The following INPP4A variants were observed in gnomAD, a reference collection of about 807,000 sequenced individuals.
INPP4A encodes the protein inositol polyphosphate-4-phosphatase type I A.
Under a neutral mutation model 119.8 loss-of-function variants are expected in INPP4A, and 33 were observed. That is an observed-to-expected ratio of 0.28 (90% CI 0.21 to 0.37). The LOEUF is 0.37. Among genes scored for constraint, INPP4A ranks in the 10% least tolerant of loss-of-function variants. The pLI, the probability that INPP4A is intolerant of heterozygous loss-of-function variation, is 1.00. For synonymous variants in INPP4A, 496 were observed against 500.7 expected (o/e 0.99, Z 0.12); for missense variants, 956 against 1,289.9 (o/e 0.74, Z 3.97).
intron 1 of INPP4A, among the ~76,000 whole-genome samples, chr2:98,469,676 T>A (rs906838145): frequency 1.3e-5 from 2 of 150,264 alleles, no homozygotes; most frequent in East Asian, 4.0e-4. Flanking sequence ...TTGGGGCGCA[T>A]CCCTGTAATC....
chr2:98,449,803 G>A (rs1193336698), intron 1 of INPP4A, among the ~76,000 whole-genome samples: 5 of 152,158 alleles, frequency 3.3e-5, no homozygotes, highest in Non-Finnish European at 5.9e-5. Flanking sequence ...CTTTGAAACT[G>A]TCTGTTTCCC....
At chr2:98,504,101 T>C (rs1434609037) in intron 1 of INPP4A, among the ~76,000 whole-genome samples, 2 of 152,204 alleles carry the variant, frequency 1.3e-5, no homozygotes, top group Non-Finnish European at 2.9e-5. Context: ...AATAAAGAGC[T>C]GTGGTCAGTT....
intron 13 of INPP4A, among the ~76,000 whole-genome samples, chr2:98,550,768 TATC>T (rs1163996452): frequency 1.3e-5 from 2 of 152,212 alleles, no homozygotes; most frequent in African/African-American, 2.4e-5. Flanking sequence ...AAGTCCCAGG[TATC>T]ATCATTAAAA....
intron 1 of INPP4A, among the ~76,000 whole-genome samples, chr2:98,469,250 G>A (rs915475134): frequency 3.3e-5 from 5 of 152,170 alleles, no homozygotes; most frequent in African/African-American, 1.2e-4. Flanking sequence ...TGTAATCCCG[G>A]CACTTTGGGA....
intron 1 of INPP4A, among the ~76,000 whole-genome samples, chr2:98,497,205 A>T (rs1377976277): frequency 6.6e-6 from 1 of 152,188 alleles, no homozygotes; most frequent in Non-Finnish European, 1.5e-5. Flanking sequence ...CAGTGTACAG[A>T]AGTCAAGAAT....
chr2:98,539,105 C>T, intron 9 of INPP4A, 124 bp downstream of exon 9: 1 of 577,222 alleles, frequency 1.7e-6, no homozygotes, highest in Non-Finnish European at 3.1e-6. Flanking sequence ...CACCTCTCTG[C>T]TGCTTATCAT....
chr2:98,589,452 T>C lies in INPP4A; in HGVS notation c.*1844T>C, dbSNP rs1700229436. On this transcript the variant is annotated 3_prime_UTR_variant, in exon 25 of 25. Transcript: ENST00000409851. Reference sequence around the variant, plus strand: ...AAATATTACCCACATAGTTTTCAGATCTTTTTTGTCTGGAGAGCATTAAAT... The same window carrying C: ...AAATATTACCCACATAGTTTTCAGACCTTTTTTGTCTGGAGAGCATTAAAT... 1 of 181,860 alleles carries C rather than the reference T, an allele frequency of 5.5e-6. No homozygotes were observed. Among genetic ancestry groups the C allele is most frequent in the Non-Finnish European group, 1.2e-5 (1 of 85,310 alleles). 11.3% of individuals were successfully genotyped at this position (181,860 alleles called of 1,614,324 possible). A position where few individuals can be genotyped will look rare whatever the true frequency, so the allele number is the denominator to read the frequency against.
intron 1 of INPP4A, among the ~76,000 whole-genome samples, chr2:98,446,058 T>C (rs943610960): frequency 6.6e-6 from 1 of 152,192 alleles, no homozygotes; most frequent in Non-Finnish European, 1.5e-5. Flanking sequence ...GTGTGGACCA[T>C]GGGGAAGCCA....
chr2:98,584,556 G>A (rs1220460976), intron 24 of INPP4A, among the ~76,000 whole-genome samples: 1 of 152,280 alleles, frequency 6.6e-6, no homozygotes, highest in African/African-American at 2.4e-5. Context: ...GGGCCTCAAG[G>A]ACACCACGGC....
At chr2:98,558,309 T>C (rs1694849579) in intron 16 of INPP4A, among the ~76,000 whole-genome samples, 1 of 152,148 alleles carries the variant, frequency 6.6e-6, no homozygotes, top group African/African-American at 2.4e-5. Context: ...GAAGAGGGGT[T>C]ATGGGGAGGC....
At chr2:98,482,476 A>C (rs1431000231) in intron 1 of INPP4A, among the ~76,000 whole-genome samples, 1 of 152,260 alleles carries the variant, frequency 6.6e-6, no homozygotes, top group African/African-American at 2.4e-5. Context: ...TAAAAACGAA[A>C]GCAGCCAACA....
chr2:98,583,446 G>A lies in INPP4A; in HGVS notation c.2787-4030G>A, dbSNP rs1365941448. ...CCTCACGTGGCATTCCCTGCAGCGC[G>A]ATGAAGTGTAACCTTAACACCCATG... On this transcript the variant is annotated intron_variant, in intron 24 of 24. Transcript: ENST00000409851. Among the ~76,000 whole-genome samples the A allele has an allele frequency of 3.9e-5, 6 of 152,240 alleles. No homozygotes were observed. The South Asian group carries it at 8.3e-4, about 21-fold the overall frequency.
At chr2:98,488,788 A>C (rs1336521320) in intron 1 of INPP4A, among the ~76,000 whole-genome samples, 2 of 152,170 alleles carry the variant, frequency 1.3e-5, no homozygotes, top group African/African-American at 4.8e-5. Flanking sequence ...GTTCAGGGAA[A>C]GGACCAGGAG....
Position 98,563,424 on chromosome 2 carries a change from A to G in INPP4A, c.1856-41A>G, listed in dbSNP as rs559175752. ...AAATTGCCAGAACCTAATTCTTAAAATCTCTCTCTCATTGTGATGACCCCT... is the reference window on the plus strand; with the variant it reads ...AAATTGCCAGAACCTAATTCTTAAAGTCTCTCTCTCATTGTGATGACCCCT... On this transcript the variant is annotated intron_variant, in intron 17 of 24. Coordinates refer to ENST00000409851, the MANE Select transcript of INPP4A (RefSeq NM_001134225.2). 20 of 1,573,186 alleles carry G rather than the reference A, an allele frequency of 1.3e-5. No homozygotes were observed. In the East Asian group the frequency reaches 4.1e-4, roughly 33 times the overall value.
At chr2:98,490,356 A>T (rs1273934829) in intron 1 of INPP4A, among the ~76,000 whole-genome samples, 1 of 151,754 alleles carries the variant, frequency 6.6e-6, no homozygotes, top group African/African-American at 2.4e-5. Flanking sequence ...CAAGCAGAGG[A>T]GGAGAAGGTG....
At chr2:98,523,033 A>G (rs1030959336) in intron 4 of INPP4A, among the ~76,000 whole-genome samples, 7 of 152,222 alleles carry the variant, frequency 4.6e-5, no homozygotes. Flanking sequence ...CTAAAGAGGG[A>G]CCACACTGAG....
At chr2:98,573,024 A>T in intron 23 of INPP4A, 97 bp downstream of exon 23, 29 of 901,656 alleles carry the variant, frequency 3.2e-5, no homozygotes, top group Non-Finnish European at 4.7e-5. Context: ...AGGAGAGCAG[A>T]GCTCTCCATA....
chr2:98,521,167 A>G (rs1687114721), intron 4 of INPP4A: 1 of 162,360 alleles, frequency 6.2e-6, no homozygotes, highest in Admixed American at 6.4e-5. Flanking sequence ...TCAGTTCCCT[A>G]TTGTATAAAA....
intron 1 of INPP4A, among the ~76,000 whole-genome samples, chr2:98,476,876 G>A (rs1677334700): frequency 6.6e-6 from 1 of 152,186 alleles, no homozygotes; most frequent in South Asian, 2.1e-4. Flanking sequence ...GCCGTTATAA[G>A]TGTTCCCTGT....
Sources: allele counts gnomAD v4.1 joint callset (sites outside exome capture counted in the v4.1 genomes callset), GRCh38; gene constraint gnomAD v4.1.1; transcripts MANE v1.5; gene names NCBI Gene and HGNC (gene_info 2026-07-23, HGNC 2026-07-21).